DYRK1A: variants seen among roughly 807,000 people sequenced by gnomAD.
DYRK1A encodes the protein dual specificity tyrosine-phosphorylation-regulated kinase 1A.
A neutral mutation model predicts 79.7 loss-of-function variants in DYRK1A; 9 were observed. The observed-to-expected ratio is 0.11, with a 90% CI of 0.07 to 0.20. DYRK1A has a LOEUF of 0.20. Among genes scored for constraint, DYRK1A ranks in the 10% least tolerant of loss-of-function variants. DYRK1A has a pLI of 1.00. For synonymous variants in DYRK1A, 349 were observed against 329.7 expected (o/e 1.06, Z -0.63); for missense variants, 622 against 956.0 (o/e 0.65, Z 4.61).
At chr21:37,458,038 C>G (rs958912477) in intron 2 of DYRK1A, among the ~76,000 whole-genome samples, 2 of 152,326 alleles carry the variant, frequency 1.3e-5, no homozygotes, top group Admixed American at 6.5e-5. Context: ...TGTTGTATTC[C>G]TGGCCGCCTC....
At chr21:37,494,746 G>C (rs1375647943) in intron 8 of DYRK1A, among the ~76,000 whole-genome samples, 1 of 151,746 alleles carries the variant, frequency 6.6e-6, no homozygotes, top group Non-Finnish European at 1.5e-5. Flanking sequence ...TCAGGAGTTC[G>C]AGACTGGCCC....
chr21:37,417,245 C>G (rs937806988), intron 1 of DYRK1A, among the ~76,000 whole-genome samples: 3 of 152,070 alleles, frequency 2.0e-5, no homozygotes, highest in Admixed American at 1.3e-4. Context: ...GGCTGGAGTG[C>G]AATGGCATGA....
upstream of DYRK1A, chr21:37,365,796 A>C (rs1461505413): frequency 6.6e-6 from 1 of 152,502 alleles, no homozygotes; most frequent in African/African-American, 2.4e-5. Context: ...ATTCATCTAA[A>C]GGGCATTCCG....
intron 11 of DYRK1A, 47 bp downstream of exon 11, chr21:37,506,270 G>A (rs372615325): frequency 3.4e-5 from 55 of 1,613,712 alleles, no homozygotes; most frequent in Non-Finnish European, 4.5e-5. Flanking sequence ...GCCATTCTCA[G>A]GTGGAGCAGC....
chr21:37,465,759 C>T lies in DYRK1A; in HGVS notation c.11-6925C>T, dbSNP rs907859163. On this transcript the variant is annotated intron_variant, in intron 2 of 11. Coordinates refer to ENST00000647188, the MANE Select transcript of DYRK1A (RefSeq NM_001347721.2). ...GGCTGAGGCAGGAGAATTGCTTGAC[C>T]CTAGGAGACAAAGGTGGCAGTGAGC... Among the ~76,000 whole-genome samples, 7 of 152,036 alleles carry T rather than the reference C, an allele frequency of 4.6e-5. No individual in the cohort carries two copies. In the East Asian group the frequency reaches 1.3e-3, roughly 29 times the overall value.
Position 37,505,482 on chromosome 21 carries a change from A to G in DYRK1A, c.1412A>G (p.Lys471Arg). The change falls in exon 10 of 12, where the codon AAG becomes AGG. Residue 471 changes from lysine (K) to arginine (R), a missense_variant. Coordinates refer to ENST00000647188, the MANE Select transcript of DYRK1A (RefSeq NM_001347721.2). ...TATGCTCTGCAGCACAGTTTCTTCA[A>G]GAAAACAGCTGATGAAGGTACAAAT... ...PYYALQHSFFKKTADEGTNTS... is the reference protein window; with the variant it reads ...PYYALQHSFFRKTADEGTNTS... The G allele has an allele frequency of 6.2e-7, 1 of 1,614,218 alleles. No individual in the cohort carries two copies. The highest frequency in any genetic ancestry group is 1.1e-5 in the South Asian group (1 of 91,084).
intron 9 of DYRK1A, chr21:37,503,776 C>T (rs2053519929): frequency 1.3e-5 from 2 of 152,158 alleles, no homozygotes; most frequent in African/African-American, 4.8e-5. Context: ...TACATCTATT[C>T]ATATGTTGTC....
At chr21:37,384,597 A>G (rs1036085604) in intron 1 of DYRK1A, among the ~76,000 whole-genome samples, 1 of 152,226 alleles carries the variant, frequency 6.6e-6, no homozygotes, top group Non-Finnish European at 1.5e-5. Flanking sequence ...AGATCCCAAT[A>G]TTAATCATGT....
chr21:37,399,270 TA>T (rs1445551134), intron 1 of DYRK1A, among the ~76,000 whole-genome samples: 5 of 152,176 alleles, frequency 3.3e-5, no homozygotes, highest in African/African-American at 1.2e-4. Flanking sequence ...TTTCCTTTTT[TA>T]TAAGACCCAT....
chr21:37,367,672 G>C (rs947047662), intron 1 of DYRK1A, 44 bp downstream of exon 1: 12 of 145,464 alleles, frequency 8.2e-5, no homozygotes, highest in Admixed American at 6.1e-4. Context: ...CCTGGCGCTC[G>C]GCTCCCCCGG....
At chr21:37,422,314 C>G (rs1215746258) in intron 2 of DYRK1A, among the ~76,000 whole-genome samples, 1 of 152,130 alleles carries the variant, frequency 6.6e-6, no homozygotes, top group African/African-American at 2.4e-5. Context: ...AAATTAACAG[C>G]TTTCAGAATC....
Position 37,505,357 on chromosome 21 carries a change from T to G in DYRK1A, c.1287T>G (p.Arg429=). The change falls in exon 10 of 12, where the codon CGT becomes CGG. Residue 429 remains arginine, a synonymous_variant. Coordinates refer to ENST00000647188, the MANE Select transcript of DYRK1A (RefSeq NM_001347721.2). ...AAACAGGAGGACCTGGTGGGCGACG[T>G]GCTGGGGAGTCAGGTCATACGGTCG... The part of the protein sequence containing the change: ...GVETGGPGGR[R]AGESGHTVAD... The G allele has an allele frequency of 6.2e-7, 1 of 1,614,154 alleles. No individual in the cohort carries two copies. Among genetic ancestry groups the G allele is most frequent in the Non-Finnish European group, 8.5e-7 (1 of 1,180,016 alleles).
At chr21:37,400,013 G>A (rs2050025047) in intron 1 of DYRK1A, among the ~76,000 whole-genome samples, 1 of 152,180 alleles carries the variant, frequency 6.6e-6, no homozygotes, top group Non-Finnish European at 1.5e-5. Context: ...CTGGAGGCTA[G>A]AAGTCCAAAA....
chr21:37,457,034 T>TC (rs1569339553), intron 2 of DYRK1A, among the ~76,000 whole-genome samples: 3 of 35,884 alleles, frequency 8.4e-5, no homozygotes, highest in African/African-American at 3.0e-4. Flanking sequence ...ACTTACTTAC[T>TC]TACTTATTTA....
rs755201558 is a variant in DYRK1A, at chr21:37,490,374, A to G, written c.837A>G (p.Leu279=). Residue 279 remains leucine, a synonymous_variant, in exon 7 of 12, where the codon CTA becomes CTG. Coordinates refer to ENST00000647188, the MANE Select transcript of DYRK1A (RefSeq NM_001347721.2). Reference sequence around the variant, plus strand: ...AACTTAGTATCATTCACTGTGATCTAAAACCTGAAAATATCCTTCTTTGTA... The same window carrying G: ...AACTTAGTATCATTCACTGTGATCTGAAACCTGAAAATATCCTTCTTTGTA... ...TPELSIIHCD[L]KPENILLCNP... 19 of 1,613,574 alleles carry G rather than the reference A, an allele frequency of 1.2e-5. No individual in the cohort carries two copies. The highest frequency in any genetic ancestry group is 1.6e-5 in the Non-Finnish European group (19 of 1,179,696).
chr21:37,430,168 AC>A, intron 2 of DYRK1A: 1 of 379,026 alleles, frequency 2.6e-6, no homozygotes, highest in Non-Finnish European at 3.6e-6. Flanking sequence ...ATTTCTTTTT[AC>A]CTCACAGCTG....
At chr21:37,488,912 T>C in intron 6 of DYRK1A, 1 of 954,096 alleles carries the variant, frequency 1.0e-6, no homozygotes, top group African/African-American at 1.8e-5. Flanking sequence ...CTGAAGTGAC[T>C]AAGAGCAGAT....
intron 2 of DYRK1A, among the ~76,000 whole-genome samples, chr21:37,436,343 A>C (rs1236928134): frequency 2.0e-5 from 3 of 152,198 alleles, no homozygotes; most frequent in Non-Finnish European, 4.4e-5. Context: ...CACAGTGATC[A>C]AGGACTCCGG....
intron 2 of DYRK1A, among the ~76,000 whole-genome samples, chr21:37,460,034 A>T (rs1037772130): frequency 2.0e-5 from 3 of 152,060 alleles, no homozygotes; most frequent in African/African-American, 7.2e-5. Flanking sequence ...AAACTTAAAC[A>T]TGTTTGTGAG....
Sources: gnomAD v4.1 joint callset for allele counts (sites outside exome capture counted in the v4.1 genomes callset) on GRCh38, gnomAD v4.1.1 for gene constraint, MANE v1.5 for transcripts, NCBI Gene and HGNC (gene_info 2026-07-23, HGNC 2026-07-21) for gene names.